Variants in C19orf47 observed in about 807,000 individuals in gnomAD.
The protein encoded by C19orf47 is uncharacterized protein C19orf47.
Under a neutral mutation model 32.3 loss-of-function variants are expected in C19orf47, and 18 were observed. The ratio of observed to expected loss-of-function variants is 0.56; its 90% CI spans 0.39 to 0.83. The LOEUF (loss-of-function observed/expected upper bound fraction) is 0.83. C19orf47 is among the 40% of genes least tolerant of loss of function. The pLI is 0.00. For synonymous variants in C19orf47, 202 were observed against 211.1 expected, an observed-to-expected ratio of 0.96 and a Z score of 0.37; for missense variants, 484 against 531.6, an observed-to-expected ratio of 0.91 and a Z score of 0.88.
intron 5 of C19orf47, among the ~76,000 whole-genome samples, chr19:40,330,467 T>G (rs1003231004): frequency 1.3e-5 from 2 of 151,490 alleles, no homozygotes; most frequent in Admixed American, 6.6e-5. Flanking sequence ...TCTCGAGGTC[T>G]GACCTCATGA....
chr19:40,346,817 C>T (rs1271375446), intron 1 of C19orf47, among the ~76,000 whole-genome samples: 2 of 152,204 alleles, frequency 1.3e-5, no homozygotes, highest in Admixed American at 6.5e-5. Flanking sequence ...TGAGCCACCA[C>T]GCCCAGCCAA....
At chr19:40,341,726 G>A (rs2078181484) in intron 2 of C19orf47, 113 bp downstream of exon 2, 5 of 1,460,312 alleles carry the variant, frequency 3.4e-6, no homozygotes, top group Non-Finnish European at 9.2e-7. Flanking sequence ...GAGTACAGCT[G>A]TTCCTGCCAG....
chr19:40,307,089 C>CTTTTTT, the C19orf47 span, among the ~76,000 whole-genome samples: 1 of 64,844 alleles, frequency 1.5e-5, no homozygotes, highest in Non-Finnish European at 2.8e-5. Flanking sequence ...GCGCCCGGCC[C>CTTTTTT]TTTTTTTTTT....
In C19orf47 at chr19:40,328,458, C is replaced by T. The variant is rs755871542; in HGVS notation, c.394G>A (p.Val132Ile). The change falls in exon 6 of 9, where the codon GTC becomes ATC. Residue 132 changes from valine to isoleucine, a missense_variant. Transcript: ENST00000683109. ...GCTGCCATCTTGTTGGACACAGTGACCGAGATCTTGGAGGTGCTGGTGTCC... is the reference window on the plus strand; with the variant it reads ...GCTGCCATCTTGTTGGACACAGTGATCGAGATCTTGGAGGTGCTGGTGTCC... ...RPDTSTSKIS[V>I]TVSNKMAAKS... 6.2e-6 allele frequency: 10 copies of T among 1,612,620 alleles called. No homozygotes were observed. The African/African-American group carries it at 8.0e-5, about 13-fold the overall frequency.
intron 1 of C19orf47, among the ~76,000 whole-genome samples, chr19:40,346,987 T>G (rs2145635503): frequency 6.6e-6 from 1 of 152,266 alleles, no homozygotes; most frequent in South Asian, 2.1e-4. Flanking sequence ...ACTGACTTAA[T>G]GCTAGTTTTA....
chr19:40,324,841 C>A (rs779946849), intron 7 of C19orf47, among the ~76,000 whole-genome samples: 11 of 151,592 alleles, frequency 7.3e-5, no homozygotes, highest in Non-Finnish European at 1.3e-4. Context: ...GCGTGGTGGC[C>A]CACATCTATA....
At position 40,348,366 on chromosome 19, in the gene C19orf47, C is replaced by A; in HGVS notation, c.-76G>T. On this transcript the variant is annotated 5_prime_UTR_variant, in exon 1 of 9. The change creates a new upstream start codon in the 5' untranslated region. Transcript: ENST00000683109. Reference sequence around the variant, plus strand: ...CGCCCACTCGCGCCGCCCGCCCTCCCTCCCGGCGGCGCCAACTGTCAGACA... The same window carrying A: ...CGCCCACTCGCGCCGCCCGCCCTCCATCCCGGCGGCGCCAACTGTCAGACA... 7.1e-7 allele frequency: 1 copy of A among 1,411,822 alleles called. No individual in the cohort carries two copies. 87.5% of individuals were successfully genotyped at this position (1,411,822 alleles called of 1,614,324 possible).
rs1600161405 is a variant in C19orf47, at chr19:40,321,297, G to A, written c.*585C>T. ...CGACGCCACCGCCGACGAGGGGGCC[G>A]CTGGGAGGCCGGAGGTACAGGAGGG... On this transcript the variant is annotated 3_prime_UTR_variant, in exon 9 of 9. Transcript: ENST00000683109. The A allele has an allele frequency of 2.0e-6, 2 of 986,508 alleles. No homozygotes were observed. The highest frequency in any genetic ancestry group is 2.4e-6 in the Non-Finnish European group (2 of 830,150). 61.1% of individuals were successfully genotyped at this position (986,508 alleles called of 1,614,324 possible).
the C19orf47 span, among the ~76,000 whole-genome samples, chr19:40,297,176 TTAAAAC>T: frequency 6.6e-6 from 1 of 152,122 alleles, no homozygotes; most frequent in African/African-American, 2.4e-5. Context: ...ACAAAAAAAA[TTAAAAC>T]AAAAACAAAA....
the C19orf47 span, among the ~76,000 whole-genome samples, chr19:40,307,833 C>A: frequency 6.6e-6 from 1 of 150,974 alleles, no homozygotes; most frequent in Non-Finnish European, 1.5e-5. Flanking sequence ...GTGTCTTGCT[C>A]TATCACCCAG....
the C19orf47 span, among the ~76,000 whole-genome samples, chr19:40,293,848 C>A: frequency 6.6e-6 from 1 of 152,046 alleles, no homozygotes. Context: ...GGGCCGGGCG[C>A]AGCGGCTCAT....
chr19:40,322,437 A>C, intron 8 of C19orf47, 61 bp from the exon 9 acceptor site: 5 of 1,488,074 alleles, frequency 3.4e-6, no homozygotes, highest in Non-Finnish European at 4.5e-6. Context: ...ATTCATGGAG[A>C]GCTGCTTCCT....
the C19orf47 span, among the ~76,000 whole-genome samples, chr19:40,312,287 C>T: frequency 6.6e-6 from 1 of 152,122 alleles, no homozygotes; most frequent in Non-Finnish European, 1.5e-5. Flanking sequence ...GTGGCTCACG[C>T]CTGTAATCCC....
chr19:40,321,805 G>A lies in C19orf47; in HGVS notation c.*77C>T, dbSNP rs2077722853. 16 of 1,449,870 alleles carry A rather than the reference G, an allele frequency of 1.1e-5. No individual in the cohort carries two copies. The highest frequency in any genetic ancestry group is 2.5e-5 in the East Asian group (1 of 40,246). 89.8% of individuals were successfully genotyped at this position (1,449,870 alleles called of 1,614,324 possible). The stretch of plus-strand genomic sequence containing the variant: ...TGTCATCCAGGAGCTGGTGGGAGGC[G>A]TGATGAAGCCAGGAGCCTGGGGCGG... On this transcript the variant is annotated 3_prime_UTR_variant, in exon 9 of 9. Transcript: ENST00000683109.
downstream of C19orf47, among the ~76,000 whole-genome samples, chr19:40,316,048 AG>A (rs377664255): frequency 6.6e-5 from 10 of 152,198 alleles, no homozygotes; most frequent in African/African-American, 2.2e-4. Context: ...GATTTTGCAA[AG>A]GGAAATGTCT....
chr19:40,300,420 G>A, the C19orf47 span, among the ~76,000 whole-genome samples: 17 of 151,642 alleles, frequency 1.1e-4, no homozygotes, highest in Admixed American at 5.9e-4. Context: ...AGCCAAGATC[G>A]CACCACTGCA....
the C19orf47 span, among the ~76,000 whole-genome samples, chr19:40,313,043 T>C: frequency 6.6e-6 from 1 of 152,196 alleles, no homozygotes; most frequent in Non-Finnish European, 1.5e-5. Context: ...GGGTATATAT[T>C]TGCTAGGAGA....
chr19:40,328,508 G>A lies in C19orf47; in HGVS notation c.344C>T (p.Pro115Leu), dbSNP rs765169309. 6.8e-6 allele frequency: 11 copies of A among 1,611,466 alleles called. No homozygotes were observed. Among genetic ancestry groups the A allele is most frequent in the South Asian group, 5.5e-5 (5 of 90,718 alleles). The change falls in exon 6 of 9, where the codon CCA becomes CTA. Residue 115 changes from proline to leucine, a missense_variant. Transcript: ENST00000683109. ...CGGGCGCCTGGGGGGTGTGCTGGGTGGAGAGTCATGGTTCAGGCTGTTGGT... is the reference window on the plus strand; with the variant it reads ...CGGGCGCCTGGGGGGTGTGCTGGGTAGAGAGTCATGGTTCAGGCTGTTGGT... ...MITNSLNHDS[P>L]PSTPPRRPDT... is the part of the protein sequence containing the mutation.
chr19:40,297,432 G>T, the C19orf47 span, among the ~76,000 whole-genome samples: 3 of 152,198 alleles, frequency 2.0e-5, no homozygotes, highest in Admixed American at 2.0e-4. Flanking sequence ...GCCGGGCGTG[G>T]TGGCTCACGC....
Sources: gnomAD v4.1 joint callset for allele counts (sites outside exome capture counted in the v4.1 genomes callset) on GRCh38, gnomAD v4.1.1 for gene constraint, MANE v1.5 for transcripts, NCBI Gene and HGNC (gene_info 2026-07-23, HGNC 2026-07-21) for gene names.